The following GALNT18 variants were observed in gnomAD, a reference collection of about 807,000 sequenced individuals.
The protein encoded by GALNT18 is GalNAc-transferase 18.
Under a neutral mutation model 69.5 loss-of-function variants are expected in GALNT18, and 44 were observed. The ratio of observed to expected loss-of-function variants is 0.63; its 90% CI spans 0.50 to 0.81. The LOEUF (loss-of-function observed/expected upper bound fraction) is 0.81. Among genes scored for constraint, GALNT18 ranks in the 40% least tolerant of loss-of-function variants. The pLI is 0.00. For synonymous variants in GALNT18, 364 were observed against 318.2 expected, an observed-to-expected ratio of 1.14 and a Z score of -1.53; for missense variants, 715 against 810.0, an observed-to-expected ratio of 0.88 and a Z score of 1.42.
intron 10 of GALNT18, among the ~76,000 whole-genome samples, chr11:11,275,920 G>C (rs1470526913): frequency 6.6e-6 from 1 of 152,204 alleles, no homozygotes; most frequent in East Asian, 1.9e-4. Flanking sequence ...GTACCATGCT[G>C]TTTTGGTTAC....
chr11:11,427,007 T>G (rs1245636448), intron 3 of GALNT18, among the ~76,000 whole-genome samples: 1 of 152,208 alleles, frequency 6.6e-6, no homozygotes, highest in Admixed American at 6.5e-5. Flanking sequence ...CTTGAACTCC[T>G]GGGCTCAAGT....
Position 11,505,631 on chromosome 11 carries a change from A to T in GALNT18, c.236-56695T>A, listed in dbSNP as rs1319443760. ...CAGTCTCCGACATCCCAATGAAAGC[A>T]TTCTCACTAAGATTTCCATTGCCTT... On this transcript the variant is annotated intron_variant, in intron 1 of 10. Coordinates refer to ENST00000227756, the MANE Select transcript of GALNT18 (RefSeq NM_198516.3). This position sits in a 1 kb window ranked among gnomAD's most constrained non-coding sequence, Gnocchi z 4.6. Among the ~76,000 whole-genome samples the T allele has an allele frequency of 1.3e-5, 2 of 152,190 alleles. No homozygotes were observed. The highest frequency in any genetic ancestry group is 2.9e-5 in the Non-Finnish European group (2 of 68,032).
At chr11:11,319,185 C>G (rs920141337) in intron 9 of GALNT18, among the ~76,000 whole-genome samples, 3 of 151,494 alleles carry the variant, frequency 2.0e-5, no homozygotes, top group Non-Finnish European at 4.4e-5. Flanking sequence ...GCAAGATGAA[C>G]GGGGCCAGCC....
At chr11:11,324,847 C>T (rs1218391371) in intron 9 of GALNT18, among the ~76,000 whole-genome samples, 2 of 152,120 alleles carry the variant, frequency 1.3e-5, no homozygotes, top group African/African-American at 4.8e-5. Context: ...TTCTCCCACA[C>T]TGTGGGTTGT....
chr11:11,287,920 G>A (rs1051487112), intron 10 of GALNT18, among the ~76,000 whole-genome samples: 1 of 152,136 alleles, frequency 6.6e-6, no homozygotes, highest in Non-Finnish European at 1.5e-5. Context: ...CCATCATTGT[G>A]TAATAACCTG....
chr11:11,410,984 GCC>G (rs1854713574), intron 3 of GALNT18, among the ~76,000 whole-genome samples: 1 of 152,170 alleles, frequency 6.6e-6, no homozygotes, highest in African/African-American at 2.4e-5. Flanking sequence ...CTCTGTCAAT[GCC>G]TCCTGGGTGC....
In GALNT18 at chr11:11,435,240, A is replaced by C. The variant is rs551688478; in HGVS notation, c.429-2453T>G. ...CCAGGGTGTTCAGAGATGGGGGTTA[A>C]CTACTTCCCCCTACTCTCTTCCCTT... On this transcript the variant is annotated intron_variant, in intron 2 of 10. Transcript: ENST00000227756. The surrounding 1 kb of genome is among the most constrained non-coding windows in gnomAD (Gnocchi z 4.4). Among the ~76,000 whole-genome samples, 1 of 152,094 alleles carries C rather than the reference A, an allele frequency of 6.6e-6. No homozygotes were observed. The highest frequency in any genetic ancestry group is 1.9e-4 in the East Asian group (1 of 5,186).
intron 1 of GALNT18, among the ~76,000 whole-genome samples, chr11:11,529,737 T>C (rs1477107018): frequency 6.6e-6 from 1 of 152,142 alleles, no homozygotes; most frequent in Non-Finnish European, 1.5e-5. Flanking sequence ...AGACTGTATA[T>C]GAGTGTGTGC....
intron 1 of GALNT18, among the ~76,000 whole-genome samples, chr11:11,520,886 A>G (rs4264145): frequency 0.89 from 134,732 of 152,124 alleles, 59,954 homozygotes; most frequent in Non-Finnish European, 0.93. Flanking sequence ...CAGGCCCTAC[A>G]CCAGCATGTG....
chr11:11,326,007 T>C (rs527343843), intron 9 of GALNT18, among the ~76,000 whole-genome samples: 1 of 152,028 alleles, frequency 6.6e-6, no homozygotes, highest in Admixed American at 6.6e-5. Context: ...TTAATTGTAA[T>C]TGCACACATA....
chr11:11,548,811 C>T (rs763958429), intron 1 of GALNT18, among the ~76,000 whole-genome samples: 4 of 152,226 alleles, frequency 2.6e-5, no homozygotes, highest in Non-Finnish European at 4.4e-5. Flanking sequence ...ATGCTGATGG[C>T]AGAAAACTCA....
intron 1 of GALNT18, among the ~76,000 whole-genome samples, chr11:11,552,329 C>A (rs1179510282): frequency 6.6e-6 from 1 of 152,190 alleles, no homozygotes; most frequent in Non-Finnish European, 1.5e-5. Context: ...TGTCCCCCTA[C>A]CCCATTCTTT....
chr11:11,350,958 T>G (rs1046653800), intron 6 of GALNT18, among the ~76,000 whole-genome samples: 1 of 152,086 alleles, frequency 6.6e-6, no homozygotes, highest in Non-Finnish European at 1.5e-5. Flanking sequence ...GCTGTTTCAG[T>G]CTGTGATGCT....
chr11:11,599,646 T>G (rs1325901032), intron 1 of GALNT18, among the ~76,000 whole-genome samples: 2 of 151,826 alleles, frequency 1.3e-5, no homozygotes, highest in Non-Finnish European at 2.9e-5. Flanking sequence ...TTACTTTTTG[T>G]TTTCTATATC....
At position 11,314,579 on chromosome 11, in the gene GALNT18, ACC is replaced by A; in HGVS notation, c.1512+12505_1512+12506del. On this transcript the variant is annotated intron_variant, in intron 9 of 10. Coordinates refer to ENST00000227756, the MANE Select transcript of GALNT18 (RefSeq NM_198516.3). The surrounding 1 kb of genome is among the most constrained non-coding windows in gnomAD (Gnocchi z 5.2). ...GCTGGTCTGCCTCTCTTTTGCAACT[ACC>A]AAAAGAGAAATGGAAATAAGGTTCT... Among the ~76,000 whole-genome samples the A allele has an allele frequency of 6.6e-6, 1 of 152,172 alleles. No homozygotes were observed.
chr11:11,597,150 T>C (rs542934576), intron 1 of GALNT18, among the ~76,000 whole-genome samples: 1 of 152,322 alleles, frequency 6.6e-6, no homozygotes, highest in South Asian at 2.1e-4. Flanking sequence ...TCTCACTCAT[T>C]ATGGTGCATG....
At chr11:11,275,544 C>G (rs1055537451) in intron 10 of GALNT18, among the ~76,000 whole-genome samples, 4 of 152,182 alleles carry the variant, frequency 2.6e-5, no homozygotes, top group African/African-American at 9.7e-5. Context: ...TAATTAGATC[C>G]CATTTGTCAA....
intron 1 of GALNT18, among the ~76,000 whole-genome samples, chr11:11,574,386 T>C (rs1858869897): frequency 6.6e-6 from 1 of 152,220 alleles, no homozygotes; most frequent in Admixed American, 6.5e-5. Context: ...ATAGGTACCA[T>C]GGGTGAACCA....
rs888161815 is a variant in GALNT18, at chr11:11,541,186, T to A, written c.235+80173A>T. ...CACTGCCCAACTCTGTACCTACAAG[T>A]TCTTTCACCCTCCCTCAGGAATCAG... On this transcript the variant is annotated intron_variant, in intron 1 of 10. Transcript: ENST00000227756. The surrounding 1 kb of genome is among the most constrained non-coding windows in gnomAD (Gnocchi z 4.8). 6.6e-6 allele frequency among the ~76,000 whole-genome samples: 1 copy of A among 152,106 alleles called. No individual in the cohort carries two copies. Among genetic ancestry groups the A allele is most frequent in the Non-Finnish European group, 1.5e-5 (1 of 68,014 alleles).
Sources: gnomAD v4.1 joint callset for allele counts (sites outside exome capture counted in the v4.1 genomes callset) on GRCh38, gnomAD v4.1.1 for gene constraint, Gnocchi (gnomAD v3.1) non-coding constraint, MANE v1.5 for transcripts, NCBI Gene and HGNC (gene_info 2026-07-23, HGNC 2026-07-21) for gene names.